KAZN: variants seen among roughly 807,000 people sequenced by gnomAD.
KAZN encodes the protein kazrin, periplakin interacting protein.
In KAZN, 40 loss-of-function variants were observed where a neutral mutation model predicts 87.4. That is an observed-to-expected ratio of 0.46 (90% CI 0.36 to 0.60). The LOEUF (loss-of-function observed/expected upper bound fraction) is 0.60. KAZN is among the 20% of genes least tolerant of loss of function. The pLI is 0.00. For missense variants in KAZN, 898 were observed against 1,073.9 expected (o/e 0.84, Z 2.29); for synonymous variants, 466 against 458.3 (o/e 1.02, Z -0.22).
chr1:14,564,174 G>T (rs905149363), intron 2 of KAZN, among the ~76,000 whole-genome samples: 1 of 152,010 alleles, frequency 6.6e-6, no homozygotes, highest in South Asian at 2.1e-4. Context: ...CCTCTTCCTG[G>T]TTGTGATGTT....
chr1:14,540,292 T>C (rs1256950483), intron 2 of KAZN, among the ~76,000 whole-genome samples: 45 of 152,168 alleles, frequency 3.0e-4, no homozygotes, highest in Admixed American at 2.9e-3. Context: ...TGAATACCCC[T>C]GCAGTTGGTA....
chr1:14,513,844 C>T (rs867446823), intron 2 of KAZN, among the ~76,000 whole-genome samples: 11 of 151,744 alleles, frequency 7.2e-5, no homozygotes, highest in South Asian at 2.1e-4. Context: ...TGAGTTTTTC[C>T]GCATTAATGT....
chr1:14,486,765 C>T (rs550030629), intron 2 of KAZN, among the ~76,000 whole-genome samples: 1 of 152,292 alleles, frequency 6.6e-6, no homozygotes, highest in Non-Finnish European at 1.5e-5. Flanking sequence ...TCTTGTCCTC[C>T]ATGGTGAATT....
At position 14,773,323 on chromosome 1, in the gene KAZN, C is replaced by G. The variant is rs1645074226; in HGVS notation, c.226+174100C>G. On this transcript the variant is annotated intron_variant, in intron 1 of 14. Transcript: ENST00000376030. This position sits in a 1 kb window ranked among gnomAD's most constrained non-coding sequence, Gnocchi z 5.9. ...GCCTGGCGTATGAGAAGACCACCCC[C>G]CACCCAATCCACCTCCCACCTCACC... Among the ~76,000 whole-genome samples the G allele has an allele frequency of 6.6e-6, 1 of 152,104 alleles. No individual in the cohort carries two copies. The highest frequency in any genetic ancestry group is 1.9e-4 in the East Asian group (1 of 5,176).
Position 15,044,167 on chromosome 1 carries a change from C to T in KAZN, c.726+8C>T. ...GAGGCCGAGCTGGCCATGGTGAGAA[C>T]CCTCCCCACCCAGGTGGGCCTGGCA... On this transcript the variant is annotated splice_region_variant and intron_variant, in intron 4 of 14. Coordinates refer to ENST00000376030, the MANE Select transcript of KAZN (RefSeq NM_201628.3). 1 of 1,588,052 alleles carries T rather than the reference C, an allele frequency of 6.3e-7. No homozygotes were observed.
intron 2 of KAZN, among the ~76,000 whole-genome samples, chr1:14,585,195 G>A (rs905531045): frequency 3.3e-5 from 5 of 152,220 alleles, no homozygotes; most frequent in African/African-American, 1.2e-4. Context: ...ATACATTTCT[G>A]TTGGTTAAGC....
intron 1 of KAZN, among the ~76,000 whole-genome samples, chr1:14,721,145 C>T (rs1203660166): frequency 1.3e-5 from 2 of 152,160 alleles, no homozygotes; most frequent in African/African-American, 4.8e-5. Context: ...GGCAGTGTCC[C>T]CACCTAAATC....
intron 1 of KAZN, among the ~76,000 whole-genome samples, chr1:14,002,003 G>T (rs1639814145): frequency 1.3e-5 from 2 of 152,152 alleles, no homozygotes; most frequent in South Asian, 2.1e-4. Context: ...TGGCAAATGG[G>T]ATCTAATTAA....
At chr1:14,859,737 G>A (rs1650607317) in intron 1 of KAZN, among the ~76,000 whole-genome samples, 1 of 152,046 alleles carries the variant, frequency 6.6e-6, no homozygotes, top group Non-Finnish European at 1.5e-5. Context: ...TAATAAGGAG[G>A]GCAGGATTAC....
rs993809959 is a variant in KAZN at position 13,893,828 on chromosome 1, G to C, written c.91+72G>C. 9 of 1,528,134 alleles carry C rather than the reference G, an allele frequency of 5.9e-6. No individual in the cohort carries two copies. The African/African-American group carries it at 1.2e-4, about 21-fold the overall frequency. The allele number at this position is 1,528,134 out of a possible 1,614,324, so 94.7% of individuals were successfully genotyped here. On this transcript the variant is annotated intron_variant, in intron 1 of 16. Coordinates refer to the KAZN transcript ENST00000636203. ...GCGTTATCCCGGGTCCCCAAAAACA[G>C]CGGTCTGTGTGTGTCTGTGTGTCTG...
In KAZN at chr1:14,923,987, C is replaced by A. The variant is rs1486400900; in HGVS notation, c.227-36697C>A. The A allele has an allele frequency of 2.6e-6, 1 of 380,628 alleles. No individual in the cohort carries two copies. The highest frequency in any genetic ancestry group is 3.6e-6 in the Non-Finnish European group (1 of 278,192). The allele number at this position is 380,628 out of a possible 1,614,324, so 23.6% of individuals were successfully genotyped here. A position where few individuals can be genotyped will look rare whatever the true frequency, so the allele number is the denominator to read the frequency against. On this transcript the variant is annotated intron_variant, in intron 1 of 14. Coordinates refer to ENST00000376030, the MANE Select transcript of KAZN (RefSeq NM_201628.3). The surrounding 1 kb of genome is among the most constrained non-coding windows in gnomAD (Gnocchi z 4.2). The stretch of plus-strand genomic sequence containing the variant: ...GATGCACCGAGTGGCGGGGGCCGGG[C>A]GCACAACGGGGCGACGCGGCGGCGC...
intron 2 of KAZN, among the ~76,000 whole-genome samples, chr1:14,988,561 G>A (rs1326771366): frequency 1.3e-5 from 2 of 152,228 alleles, no homozygotes; most frequent in Admixed American, 1.3e-4. Context: ...TTCCTGATGC[G>A]AGAAAAGCCA....
At chr1:15,049,005 C>T (rs1210562427) in intron 4 of KAZN, among the ~76,000 whole-genome samples, 4 of 152,252 alleles carry the variant, frequency 2.6e-5, no homozygotes, top group Admixed American at 2.0e-4. Flanking sequence ...AGAAGCACCC[C>T]GTCTTCATGC....
At chr1:14,674,191 G>GCTT (rs1427522316) in intron 1 of KAZN, among the ~76,000 whole-genome samples, 1 of 152,144 alleles carries the variant, frequency 6.6e-6, no homozygotes, top group Non-Finnish European at 1.5e-5. Context: ...TGATCTTCTG[G>GCTT]CTTCTCCAGC....
chr1:14,409,955 T>C (rs1275861054), intron 2 of KAZN, among the ~76,000 whole-genome samples: 1 of 152,206 alleles, frequency 6.6e-6, no homozygotes, highest in Non-Finnish European at 1.5e-5. Context: ...AATTGTCTGA[T>C]GGCTTGAACA....
In KAZN at chr1:14,948,260, G is replaced by T. The variant is rs147016792; in HGVS notation, c.227-12424G>T. ...ATGTAACTGAAAAGTTCAGGGATAGGATCTGGCTTCAGGTGTGGTGTGATC... is the reference window on the plus strand; with the variant it reads ...ATGTAACTGAAAAGTTCAGGGATAGTATCTGGCTTCAGGTGTGGTGTGATC... On this transcript the variant is annotated intron_variant, in intron 1 of 14. Transcript: ENST00000376030. Among the ~76,000 whole-genome samples the T allele has an allele frequency of 2.6e-4, 39 of 152,352 alleles. No individual in the cohort carries two copies. The East Asian group carries it at 7.1e-3, about 28-fold the overall frequency.
rs867102844 is a variant in KAZN, at chr1:14,892,139, T to C, written c.227-68545T>C. On this transcript the variant is annotated intron_variant, in intron 1 of 14. Transcript: ENST00000376030. ...ATGGGATGGTGACCCTGCCGTCATC[T>C]GTGCTCCCATTCCTGGCCCAAATGG... Among the ~76,000 whole-genome samples, 43 of 152,282 alleles carry C rather than the reference T, an allele frequency of 2.8e-4. No homozygotes were observed. In the Middle Eastern group the frequency reaches 0.017, roughly 60 times the overall value.
intron 1 of KAZN, among the ~76,000 whole-genome samples, chr1:14,147,801 A>G (rs1389567476): frequency 6.6e-6 from 1 of 151,720 alleles, no homozygotes; most frequent in African/African-American, 2.4e-5. Context: ...TCTCAAAAAA[A>G]AAAAACAACA....
chr1:14,834,824 TA>T (rs1171429817), intron 1 of KAZN, among the ~76,000 whole-genome samples: 37 of 152,254 alleles, frequency 2.4e-4, no homozygotes, highest in Non-Finnish European at 8.8e-5. Flanking sequence ...GTATTAGTAT[TA>T]GTATTAGTAT....
Sources: gnomAD v4.1 joint callset for allele counts (sites outside exome capture counted in the v4.1 genomes callset) on GRCh38, gnomAD v4.1.1 for gene constraint, Gnocchi (gnomAD v3.1) non-coding constraint, MANE v1.5 for transcripts, NCBI Gene and HGNC (gene_info 2026-07-23, HGNC 2026-07-21) for gene names.